Variants in NLGN4Y observed in about 807,000 individuals in gnomAD.
NLGN4Y encodes neuroligin 4 Y-linked.
Under a neutral mutation model 8.4 loss-of-function variants are expected in NLGN4Y, and 4 were observed. That is an observed-to-expected ratio of 0.48 (90% CI 0.23 to 1.09). The LOEUF is 1.09. Among genes scored for constraint, NLGN4Y ranks in the 50% least tolerant of loss-of-function variants. The pLI, the probability that NLGN4Y is intolerant of heterozygous loss-of-function variation, is 0.19. For missense variants in NLGN4Y, 90 were observed against 192.3 expected (o/e 0.47, Z 3.15); for synonymous variants, 35 against 75.6 (o/e 0.46, Z 2.78).
intron 2 of NLGN4Y, among the ~76,000 whole-genome samples, chrY:14,697,206 C>CAGATAGAT (rs200602431): frequency 0.039 from 942 of 24,236 alleles, no homozygotes; most frequent in East Asian, 0.087. Context: ...GGTAGGTAGG[C>CAGATAGAT]AGATAGATAG....
intron 4 of NLGN4Y, among the ~76,000 whole-genome samples, chrY:14,788,302 G>A: frequency 6.0e-5 from 2 of 33,082 alleles, no homozygotes; most frequent in Non-Finnish European, 1.5e-4. Context: ...CTTCATTGTC[G>A]ACCAAGGCTG....
intron 2 of NLGN4Y, among the ~76,000 whole-genome samples, chrY:14,685,774 A>G: frequency 3.0e-5 from 1 of 33,443 alleles, no homozygotes; most frequent in Admixed American, 2.8e-4. Flanking sequence ...TTTTCTTGGT[A>G]GTTGGATGAA....
At chrY:14,565,269 C>A in intron 1 of NLGN4Y, among the ~76,000 whole-genome samples, 1 of 31,247 alleles carries the variant, frequency 3.2e-5, no homozygotes, top group Admixed American at 3.0e-4. Flanking sequence ...AGCTAAGAAC[C>A]TTGAAAAAAG....
chrY:14,559,038 A>T (rs369963655), intron 1 of NLGN4Y, among the ~76,000 whole-genome samples: 6 of 33,477 alleles, frequency 1.8e-4, no homozygotes, highest in African/African-American at 6.9e-4. Context: ...CCTGGAATCA[A>T]TAGAAAGGAG....
At chrY:14,667,674 A>C in intron 2 of NLGN4Y, among the ~76,000 whole-genome samples, 1 of 33,945 alleles carries the variant, frequency 2.9e-5, no homozygotes, top group African/African-American at 1.1e-4. Context: ...TCAAATAAAC[A>C]GAAAAATGAA....
At chrY:14,721,459 A>G in intron 3 of NLGN4Y, among the ~76,000 whole-genome samples, 1 of 33,650 alleles carries the variant, frequency 3.0e-5, no homozygotes, top group East Asian at 7.8e-4. Context: ...AAAATAAAAG[A>G]CACTTTTCTG....
chrY:14,569,269 AC>A (rs2080261859), intron 1 of NLGN4Y, among the ~76,000 whole-genome samples: 1 of 32,449 alleles, frequency 3.1e-5, no homozygotes, highest in African/African-American at 1.2e-4. Context: ...TTCAACCCAT[AC>A]CCTGCTTTCT....
rs770116369 is a variant in NLGN4Y at position 14,727,997 on chromosome Y, T to C, written c.685+4728T>C. On this transcript the variant is annotated intron_variant, in intron 4 of 6. Transcript: ENST00000684976. The stretch of plus-strand genomic sequence containing the variant: ...TGCAAATCAGTTGCTCTGTTTCCGA[T>C]CAGTACCCACACACCAGAAGGTCAG... Among the ~76,000 whole-genome samples the C allele has an allele frequency of 1.2e-4, 4 of 33,694 alleles. No individual in the cohort carries two copies. In the South Asian group the frequency reaches 2.7e-3, roughly 22 times the overall value. The allele number at this position is 33,694 out of a possible 37,273, so 90.4% of individuals were successfully genotyped here.
At chrY:14,649,745 G>A (rs2080622525) in intron 2 of NLGN4Y, among the ~76,000 whole-genome samples, 1 of 33,890 alleles carries the variant, frequency 3.0e-5, no homozygotes, top group Non-Finnish European at 7.3e-5. Flanking sequence ...AATTTTCTCT[G>A]CAGCCGTGGT....
chrY:14,795,299 T>C, intron 4 of NLGN4Y, among the ~76,000 whole-genome samples: 2 of 33,970 alleles, frequency 5.9e-5, no homozygotes, highest in Non-Finnish European at 1.5e-4. Context: ...CATAAATTCA[T>C]TAGAGGTAAT....
chrY:14,836,483 C>CT (rs369985530), intron 6 of NLGN4Y, among the ~76,000 whole-genome samples: 5 of 26,117 alleles, frequency 1.9e-4, no homozygotes, highest in Admixed American at 3.6e-4. Flanking sequence ...GAACCTTGGT[C>CT]TTTTTTTTTT....
At chrY:14,740,490 A>G in intron 4 of NLGN4Y, among the ~76,000 whole-genome samples, 6 of 33,600 alleles carry the variant, frequency 1.8e-4, no homozygotes, top group African/African-American at 7.0e-4. Context: ...TCTGTAGATC[A>G]ATATTCCTCT....
intron 2 of NLGN4Y, among the ~76,000 whole-genome samples, chrY:14,688,426 G>A: frequency 3.0e-5 from 1 of 33,237 alleles, no homozygotes; most frequent in Admixed American, 2.8e-4. Flanking sequence ...ATTGTATACA[G>A]TGTAAAAGAA....
At chrY:14,803,760 G>C in intron 4 of NLGN4Y, among the ~76,000 whole-genome samples, 1 of 32,778 alleles carries the variant, frequency 3.1e-5, no homozygotes. Context: ...TGAAAATCCC[G>C]GAAGATACAT....
chrY:14,815,251 G>T, intron 4 of NLGN4Y, among the ~76,000 whole-genome samples: 1 of 33,333 alleles, frequency 3.0e-5, no homozygotes, highest in Admixed American at 2.8e-4. Context: ...GGCTCCCTGT[G>T]TTCTATTTTC....
At chrY:14,532,775 C>T in intron 1 of NLGN4Y, among the ~76,000 whole-genome samples, 6 of 30,555 alleles carry the variant, frequency 2.0e-4, no homozygotes, top group Admixed American at 1.9e-3. Context: ...ATACCTCTCT[C>T]CTTCCCTTCC....
At chrY:14,731,901 A>C (rs2080974366) in intron 4 of NLGN4Y, among the ~76,000 whole-genome samples, 3 of 32,870 alleles carry the variant, frequency 9.1e-5, no homozygotes, top group Non-Finnish European at 2.2e-4. Flanking sequence ...CCCAAAAAAA[A>C]TGGACCAATA....
intron 1 of NLGN4Y, among the ~76,000 whole-genome samples, chrY:14,618,363 C>G: frequency 9.4e-5 from 3 of 31,959 alleles, no homozygotes; most frequent in Non-Finnish European, 2.3e-4. Flanking sequence ...GTCAGTGCCC[C>G]ATCCTACTTC....
chrY:14,647,818 A>G, intron 2 of NLGN4Y, among the ~76,000 whole-genome samples: 1 of 34,732 alleles, frequency 2.9e-5, no homozygotes. Flanking sequence ...GGTTAGATTC[A>G]TGAGTCAAAG....
Sources: allele counts gnomAD v4.1 joint callset (sites outside exome capture counted in the v4.1 genomes callset), GRCh38; gene constraint gnomAD v4.1.1; transcripts MANE v1.5; gene names NCBI Gene and HGNC (gene_info 2026-07-23, HGNC 2026-07-21).